PDGFRL: variants seen among roughly 807,000 people sequenced by gnomAD.
PDGFRL encodes platelet-derived growth factor receptor-like protein.
Under a neutral mutation model 37.2 loss-of-function variants are expected in PDGFRL, and 46 were observed. The ratio of observed to expected loss-of-function variants is 1.24; its 90% CI spans 0.98 to 1.58. The LOEUF (loss-of-function observed/expected upper bound fraction) is 1.58, where lower values mean the gene tolerates loss of function less well. Ranked by LOEUF, PDGFRL falls within the 40% of genes most tolerant of loss-of-function variation. PDGFRL has a pLI of 0.00. For synonymous variants in PDGFRL, 251 were observed against 184.3 expected (o/e 1.36, Z -2.93); for missense variants, 692 against 467.6 (o/e 1.48, Z -4.43).
At chr8:17,627,572 C>T (rs1804758143) in intron 3 of PDGFRL, among the ~76,000 whole-genome samples, 1 of 151,406 alleles carries the variant, frequency 6.6e-6, no homozygotes, top group Admixed American at 6.6e-5. Flanking sequence ...TGGGTTCAAG[C>T]AATTCTCATG....
At chr8:17,608,225 C>T (rs1175727478) in intron 2 of PDGFRL, among the ~76,000 whole-genome samples, 4 of 151,980 alleles carry the variant, frequency 2.6e-5, no homozygotes, top group Non-Finnish European at 5.9e-5. Context: ...CAAAGCACTC[C>T]TCTCTCTCCA....
intron 2 of PDGFRL, among the ~76,000 whole-genome samples, chr8:17,604,748 T>A (rs747112430): frequency 2.0e-5 from 3 of 152,124 alleles, no homozygotes; most frequent in Admixed American, 6.5e-5. Context: ...TAATAAAATT[T>A]AAAAAAAATT....
chr8:17,626,417 G>C (rs17124966), intron 3 of PDGFRL, among the ~76,000 whole-genome samples: 4 of 152,104 alleles, frequency 2.6e-5, no homozygotes, highest in African/African-American at 9.7e-5. Flanking sequence ...CTCTTCCCTC[G>C]TCTTAGAGTC....
chr8:17,594,709 C>T (rs2150816659), intron 2 of PDGFRL, among the ~76,000 whole-genome samples: 1 of 152,258 alleles, frequency 6.6e-6, no homozygotes, highest in South Asian at 2.1e-4. Flanking sequence ...CACGTGCCAC[C>T]ATGCCTGGCT....
At chr8:17,591,524 C>T (rs1334544773) in intron 2 of PDGFRL, among the ~76,000 whole-genome samples, 3 of 152,158 alleles carry the variant, frequency 2.0e-5, no homozygotes, top group African/African-American at 7.2e-5. Flanking sequence ...TTCTAAGATT[C>T]TTTCTGGCCC....
In PDGFRL at chr8:17,642,708, A is replaced by G. The variant is rs1351083967; in HGVS notation, c.1035A>G (p.Glu345=). Residue 345 remains glutamate (E), a synonymous_variant, in exon 6 of 6, where the codon GAA becomes GAG. Transcript: ENST00000251630. ...TRISQSVITV[E]DFETIDAGYY... ...TCTCCCAGAGTGTCATTACAGTGGA[A>G]GACTTTGAGACGATTGATGCAGGAT... 6.2e-7 allele frequency: 1 copy of G among 1,604,670 alleles called. No homozygotes were observed. Among genetic ancestry groups the G allele is most frequent in the South Asian group, 1.1e-5 (1 of 90,892 alleles).
chr8:17,619,628 T>C (rs1231706423), intron 2 of PDGFRL, among the ~76,000 whole-genome samples: 2 of 152,246 alleles, frequency 1.3e-5, no homozygotes, highest in African/African-American at 2.4e-5. Flanking sequence ...TTTAACATGA[T>C]AATGTAGCAT....
chr8:17,631,373 C>T (rs1028280566), intron 4 of PDGFRL, among the ~76,000 whole-genome samples: 18 of 152,090 alleles, frequency 1.2e-4, no homozygotes, highest in East Asian at 3.9e-4. Flanking sequence ...GCCACCCTGT[C>T]GGGGGGATCA....
At chr8:17,615,098 T>A (rs898407026) in intron 2 of PDGFRL, among the ~76,000 whole-genome samples, 18 of 152,244 alleles carry the variant, frequency 1.2e-4, no homozygotes, top group Admixed American at 1.1e-3. Flanking sequence ...ATCATTGCCA[T>A]CTCACGGGAT....
chr8:17,642,181 T>C (rs1455278268), intron 5 of PDGFRL, among the ~76,000 whole-genome samples: 2 of 152,150 alleles, frequency 1.3e-5, no homozygotes, highest in East Asian at 1.9e-4. Flanking sequence ...TAGTCATTTA[T>C]ACAGTGGGTG....
intron 2 of PDGFRL, among the ~76,000 whole-genome samples, chr8:17,620,091 T>TA: frequency 6.6e-6 from 1 of 152,272 alleles, no homozygotes; most frequent in East Asian, 1.9e-4. Flanking sequence ...GCCTACCAAG[T>TA]AGCTAGGACT....
intron 1 of PDGFRL, among the ~76,000 whole-genome samples, chr8:17,577,684 G>A: frequency 6.6e-6 from 1 of 151,850 alleles, no homozygotes; most frequent in Non-Finnish European, 1.5e-5. Context: ...CCAGCGGCGT[G>A]GCTGGGACCT....
At chr8:17,578,504 A>G (rs905018587) in intron 1 of PDGFRL, among the ~76,000 whole-genome samples, 2 of 152,348 alleles carry the variant, frequency 1.3e-5, no homozygotes, top group Non-Finnish European at 2.9e-5. Context: ...CTGCCCAGAG[A>G]GAAGTTGCCA....
intron 1 of PDGFRL, among the ~76,000 whole-genome samples, chr8:17,585,396 G>A (rs1402109018): frequency 6.6e-6 from 1 of 152,068 alleles, no homozygotes. Context: ...CAGTAGGTGG[G>A]TTTTTTGGAG....
intron 3 of PDGFRL, among the ~76,000 whole-genome samples, chr8:17,627,696 G>A (rs1804761300): frequency 6.6e-6 from 1 of 150,888 alleles, no homozygotes; most frequent in Non-Finnish European, 1.5e-5. Flanking sequence ...GGCTGGTCTT[G>A]AACTCCTGAG....
chr8:17,642,496 CT>C, intron 5 of PDGFRL, 116 bp from the exon 6 acceptor site: 1 of 685,722 alleles, frequency 1.5e-6, no homozygotes, highest in Non-Finnish European at 2.6e-6. Context: ...ACTAAACAGT[CT>C]TTTATAAGCA....
intron 2 of PDGFRL, among the ~76,000 whole-genome samples, chr8:17,615,288 C>G (rs1247548145): frequency 1.4e-5 from 2 of 145,920 alleles, no homozygotes; most frequent in Non-Finnish European, 3.0e-5. Flanking sequence ...TTAACTGGAT[C>G]TCTCATATTT....
intron 2 of PDGFRL, among the ~76,000 whole-genome samples, chr8:17,599,067 G>T (rs570150260): frequency 6.6e-6 from 1 of 152,298 alleles, no homozygotes; most frequent in South Asian, 2.1e-4. Flanking sequence ...TCATAGAGCC[G>T]TTAGTCCATT....
chr8:17,634,360 G>T (rs1278290894), intron 5 of PDGFRL, 147 bp downstream of exon 5: 2 of 595,544 alleles, frequency 3.4e-6, no homozygotes, highest in Non-Finnish European at 5.8e-6. Context: ...TGGGGGCCAG[G>T]TATTGTTTGT....
Sources: allele counts gnomAD v4.1 joint callset (sites outside exome capture counted in the v4.1 genomes callset), GRCh38; gene constraint gnomAD v4.1.1; transcripts MANE v1.5; gene names NCBI Gene and HGNC (gene_info 2026-07-23, HGNC 2026-07-21).